The following EXOC4 variants were observed in gnomAD, a reference collection of about 807,000 sequenced individuals.
EXOC4 encodes the protein exocyst complex component 4, also known as SEC8-like 1.
In EXOC4, 71 loss-of-function variants were observed where a neutral mutation model predicts 107.2. That is an observed-to-expected ratio of 0.66 (90% confidence interval 0.55 to 0.81). The LOEUF (loss-of-function observed/expected upper bound fraction) is 0.81, where lower values mean the gene tolerates loss of function less well. EXOC4 is among the 30% of genes least tolerant of loss of function. The pLI is 0.00. For synonymous variants in EXOC4, 456 were observed against 441.2 expected (o/e 1.03, Z -0.42); for missense variants, 1,108 against 1,189.6 (o/e 0.93, Z 1.01).
chr7:133,493,406 C>T lies in EXOC4; in HGVS notation c.1417+13268C>T, dbSNP rs1356311903. On this transcript the variant is annotated intron_variant, in intron 9 of 17. Coordinates refer to ENST00000253861, the MANE Select transcript of EXOC4 (RefSeq NM_021807.4). ...GAGCCAAGATTGCACCATTGCACTC[C>T]GGCCTGGGCGACAAAGCGATACTCT... Among the ~76,000 whole-genome samples, 19 of 152,258 alleles carry T rather than the reference C, an allele frequency of 1.2e-4. 1 individual carries two copies. In the Middle Eastern group the frequency reaches 0.01, roughly 82 times the overall value.
chr7:133,662,209 G>A (rs925284557), intron 10 of EXOC4, among the ~76,000 whole-genome samples: 2 of 152,068 alleles, frequency 1.3e-5, no homozygotes, highest in Non-Finnish European at 2.9e-5. Context: ...CTGCATAGAG[G>A]TGATTTTGGA....
rs555310565 is a variant in EXOC4 at position 133,374,422 on chromosome 7, T to C, written c.1008-406T>C. Among the ~76,000 whole-genome samples, 58 of 152,320 alleles carry C rather than the reference T, an allele frequency of 3.8e-4. 1 individual carries two copies. Among genetic ancestry groups the C allele is most frequent in the African/African-American group, 1.4e-3 (58 of 41,578 alleles). On this transcript the variant is annotated intron_variant, in intron 6 of 17. Transcript: ENST00000253861. ...AAGTGCCTAATTTATTGCTAGGGAA[T>C]AGCATATTCTGTGTAACATCTGAGC...
At chr7:133,346,924 A>T (rs1339753616) in intron 5 of EXOC4, among the ~76,000 whole-genome samples, 1 of 152,178 alleles carries the variant, frequency 6.6e-6, no homozygotes, top group Non-Finnish European at 1.5e-5. Flanking sequence ...AATGCAGTTT[A>T]TGAAGTAAAA....
At chr7:133,343,234 C>G (rs1052590994) in intron 5 of EXOC4, among the ~76,000 whole-genome samples, 2 of 152,086 alleles carry the variant, frequency 1.3e-5, no homozygotes, top group Non-Finnish European at 2.9e-5. Flanking sequence ...GTGGTGCTCT[C>G]CCCATTCCCC....
intron 11 of EXOC4, among the ~76,000 whole-genome samples, chr7:133,862,398 G>A (rs529622638): frequency 1.3e-5 from 2 of 151,958 alleles, no homozygotes; most frequent in Middle Eastern, 3.2e-3. Context: ...CAGGAGAATC[G>A]CTTGAACCCA....
chr7:133,594,940 C>T (rs999411598), intron 9 of EXOC4, among the ~76,000 whole-genome samples: 5 of 152,118 alleles, frequency 3.3e-5, no homozygotes, highest in Non-Finnish European at 5.9e-5. Flanking sequence ...TAGTAGGTGT[C>T]AGTTGCTATT....
intron 7 of EXOC4, among the ~76,000 whole-genome samples, chr7:133,379,946 T>C (rs1262689092): frequency 6.6e-6 from 1 of 152,128 alleles, no homozygotes; most frequent in Non-Finnish European, 1.5e-5. Context: ...AATAGGTTTT[T>C]CTGGCATATT....
rs753478946 is a variant in EXOC4 at position 134,064,534 on chromosome 7, C to A, written c.*6C>A. 1.5e-5 allele frequency: 23 copies of A among 1,556,162 alleles called. No homozygotes were observed. Among genetic ancestry groups the A allele is most frequent in the Non-Finnish European group, 1.9e-5 (22 of 1,145,532 alleles). ...AGAAGATAACTACCGTTTAGCAGGG[C>A]GTACTGCGGTTGGTGACGGGGGTCC... On this transcript the variant is annotated 3_prime_UTR_variant, in exon 18 of 18. Transcript: ENST00000253861.
intron 13 of EXOC4, among the ~76,000 whole-genome samples, chr7:133,928,654 A>G (rs1800104918): frequency 6.6e-6 from 1 of 152,062 alleles, no homozygotes; most frequent in Non-Finnish European, 1.5e-5. Context: ...GGGTGAGTCA[A>G]ACCAGTAAGC....
intron 9 of EXOC4, among the ~76,000 whole-genome samples, chr7:133,560,943 A>G (rs1396800827): frequency 5.3e-5 from 8 of 152,066 alleles, no homozygotes; most frequent in Admixed American, 6.6e-5. Flanking sequence ...TATTATTCAT[A>G]ATCAAAGAGG....
chr7:133,955,417 G>C (rs1800793667), intron 14 of EXOC4, among the ~76,000 whole-genome samples: 1 of 152,202 alleles, frequency 6.6e-6, no homozygotes, highest in African/African-American at 2.4e-5. Flanking sequence ...CCTGGAGTGG[G>C]TAGCTCCTCT....
At chr7:133,576,129 T>C (rs112868637) in intron 9 of EXOC4, among the ~76,000 whole-genome samples, 190 of 152,310 alleles carry the variant, frequency 1.2e-3, no homozygotes, top group African/African-American at 4.5e-3. Context: ...CTAAATCACA[T>C]GTATGGCTAG....
At chr7:133,679,449 C>T (rs954140607) in intron 10 of EXOC4, among the ~76,000 whole-genome samples, 5 of 152,148 alleles carry the variant, frequency 3.3e-5, no homozygotes, top group African/African-American at 9.7e-5. Flanking sequence ...GAGTTCTCCT[C>T]ATGGTGGAAG....
chr7:133,790,387 A>T (rs1037284622), intron 10 of EXOC4, among the ~76,000 whole-genome samples: 1 of 152,232 alleles, frequency 6.6e-6, no homozygotes, highest in Non-Finnish European at 1.5e-5. Context: ...GTTGCTAAGC[A>T]CTGAGTAGGC....
At chr7:133,838,618 G>T (rs1797965676) in intron 11 of EXOC4, among the ~76,000 whole-genome samples, 1 of 152,124 alleles carries the variant, frequency 6.6e-6, no homozygotes, top group Non-Finnish European at 1.5e-5. Context: ...CAGTCAGTCT[G>T]GTTGCAGCCT....
chr7:133,544,131 A>C (rs1432096615), intron 9 of EXOC4, among the ~76,000 whole-genome samples: 3 of 152,132 alleles, frequency 2.0e-5, no homozygotes, highest in Non-Finnish European at 1.5e-5. Flanking sequence ...AAATCAGCAT[A>C]TATTTTCTAA....
chr7:133,673,111 A>G (rs1793983523), intron 10 of EXOC4, among the ~76,000 whole-genome samples: 1 of 152,158 alleles, frequency 6.6e-6, no homozygotes, highest in African/African-American at 2.4e-5. Flanking sequence ...GAGGAGCTGG[A>G]TTGGAGATAG....
chr7:133,501,086 A>G (rs985357736), intron 9 of EXOC4, among the ~76,000 whole-genome samples: 14 of 152,190 alleles, frequency 9.2e-5, no homozygotes, highest in Admixed American at 8.5e-4. Flanking sequence ...TATGGCATAT[A>G]TGTATATATA....
chr7:133,815,435 G>A (rs1191411569), intron 10 of EXOC4, among the ~76,000 whole-genome samples: 6 of 149,474 alleles, frequency 4.0e-5, no homozygotes, highest in African/African-American at 1.5e-4. Flanking sequence ...AATATATACA[G>A]AAATGAAAAA....
Sources: allele counts gnomAD v4.1 joint callset (sites outside exome capture counted in the v4.1 genomes callset), GRCh38; gene constraint gnomAD v4.1.1; transcripts MANE v1.5; gene names NCBI Gene and HGNC (gene_info 2026-07-23, HGNC 2026-07-21).